The following GIN1 variants were observed in gnomAD, a reference collection of about 807,000 sequenced individuals.
GIN1 encodes the protein gypsy retrotransposon integrase-like protein 1.
GIN1 carries 41 observed loss-of-function variants against 51.4 expected under a neutral mutation model. The ratio of observed to expected loss-of-function variants is 0.80; its 90% CI spans 0.62 to 1.04. The LOEUF (loss-of-function observed/expected upper bound fraction) is 1.04. Ranked by LOEUF, GIN1 falls within the 50% of genes least tolerant of loss-of-function variation. GIN1 has a pLI of 0.00. For synonymous variants in GIN1, 222 were observed against 206.5 expected (o/e 1.07, Z -0.64); for missense variants, 610 against 612.4 (o/e 1.00, Z 0.04).
At chr5:103,106,465 T>C (rs782218341) in intron 3 of GIN1, 3 of 306,268 alleles carry the variant, frequency 9.8e-6, no homozygotes, top group Non-Finnish European at 1.2e-5. Context: ...AGTTCAATGA[T>C]ACAAATCTGA....
chr5:103,104,150 C>T lies in GIN1; in HGVS notation c.639+391G>A, dbSNP rs541468409. On this transcript the variant is annotated intron_variant, in intron 4 of 7. Coordinates refer to ENST00000399004, the MANE Select transcript of GIN1 (RefSeq NM_017676.2). The stretch of plus-strand genomic sequence containing the variant: ...TGTATTTTTTGTAGAGATGGAGTTT[C>T]GCCCTATTGCCCAGGTGGTCTCGAA... Among the ~76,000 whole-genome samples, 111 of 152,166 alleles carry T rather than the reference C, an allele frequency of 7.3e-4. 1 individual carries two copies. In the South Asian group the frequency reaches 9.4e-3, roughly 13 times the overall value.
At chr5:103,118,618 A>AGAT (rs1788156703) in intron 1 of GIN1, among the ~76,000 whole-genome samples, 2 of 152,214 alleles carry the variant, frequency 1.3e-5, no homozygotes, top group South Asian at 4.1e-4. Flanking sequence ...GTAGAGAGAC[A>AGAT]GATGACAAGG....
Position 103,108,583 on chromosome 5 carries a change from T to A in GIN1, c.125A>T (p.Lys42Ile). The stretch of plus-strand genomic sequence containing the variant: ...ATTAATTTTACCTTTGAAGACAAAT[T>A]TTTTTGCTGCTCTTCTTATGCCACT... ...ERSGIRRAAK[K>I]FVFKEKKLFY... The change falls in exon 2 of 8, where the codon AAA (lysine) becomes ATA (isoleucine). Residue 42 changes from lysine (K) to isoleucine (I), a missense_variant. Transcript: ENST00000399004. 6.2e-7 allele frequency: 1 copy of A among 1,602,248 alleles called. No homozygotes were observed. Among genetic ancestry groups the A allele is most frequent in the Non-Finnish European group, 8.5e-7 (1 of 1,172,568 alleles).
chr5:103,118,382 A>G (rs1554197658), intron 1 of GIN1, among the ~76,000 whole-genome samples: 1 of 152,166 alleles, frequency 6.6e-6, no homozygotes, highest in African/African-American at 2.4e-5. Flanking sequence ...ATTATCATCC[A>G]TATCAGGCTG....
At chr5:103,090,853 T>C (rs1328358143) in intron 7 of GIN1, among the ~76,000 whole-genome samples, 1 of 151,968 alleles carries the variant, frequency 6.6e-6, no homozygotes, top group African/African-American at 2.4e-5. Context: ...CCAACCTCAC[T>C]TGATTTTAAG....
chr5:103,112,537 C>T (rs1052255326), intron 1 of GIN1, among the ~76,000 whole-genome samples: 1 of 152,190 alleles, frequency 6.6e-6, no homozygotes, highest in African/African-American at 2.4e-5. Flanking sequence ...TCTCTCACTA[C>T]TTTCCTTTCT....
chr5:103,106,977 T>C (rs782634670), intron 2 of GIN1, 68 bp from the exon 3 acceptor site: 49 of 778,048 alleles, frequency 6.3e-5, no homozygotes, highest in Non-Finnish European at 8.8e-5. Flanking sequence ...AAGAGAATCA[T>C]AGCCTTCTCT....
chr5:103,088,874 G>A (rs373758592), intron 7 of GIN1, among the ~76,000 whole-genome samples: 7 of 152,048 alleles, frequency 4.6e-5, no homozygotes, highest in Admixed American at 6.5e-5. Flanking sequence ...AATTAATAGG[G>A]TCATATAATT....
At chr5:103,097,525 A>G (rs1412124519) in intron 5 of GIN1, 35 bp from the exon 6 acceptor site, 3 of 1,486,414 alleles carry the variant, frequency 2.0e-6, no homozygotes, top group Non-Finnish European at 1.9e-6. Context: ...ATTTTGTAAT[A>G]AAACATTTAT....
intron 1 of GIN1, among the ~76,000 whole-genome samples, chr5:103,114,887 C>T (rs1220384074): frequency 1.3e-5 from 2 of 152,082 alleles, no homozygotes; most frequent in Non-Finnish European, 2.9e-5. Context: ...TAGAAGTACA[C>T]AGAGAGGCTA....
chr5:103,109,408 T>C (rs1402615981), intron 1 of GIN1, among the ~76,000 whole-genome samples: 1 of 152,090 alleles, frequency 6.6e-6, no homozygotes, highest in African/African-American at 2.4e-5. Context: ...CTAAGAGTAT[T>C]TACTGGAAAG....
intron 3 of GIN1, among the ~76,000 whole-genome samples, chr5:103,105,204 A>G (rs1787691111): frequency 1.3e-5 from 2 of 152,026 alleles, no homozygotes; most frequent in African/African-American, 4.8e-5. Flanking sequence ...TGTATATGTG[A>G]GTTTCACAGG....
At position 103,106,835 on chromosome 5, in the gene GIN1, T is replaced by C. The variant is rs1554196338; in HGVS notation, c.214A>G (p.Lys72Glu). The C allele has an allele frequency of 1.2e-6, 2 of 1,603,908 alleles. No individual in the cohort carries two copies. The highest frequency in any genetic ancestry group is 1.7e-6 in the Non-Finnish European group (2 of 1,174,162). Residue 72 changes from lysine to glutamate, a missense_variant, in exon 3 of 8, where the codon AAA (lysine) becomes GAA (glutamate). Transcript: ENST00000399004. The stretch of plus-strand genomic sequence containing the variant: ...TTTTCATGGCATTCTCTTAAGACTT[T>C]CTTTTTTTCCTCTTCTGAAACAATT... ...LVIVSEEEKK[K>E]VLRECHENDS... is the part of the protein sequence containing the mutation.
chr5:103,102,140 T>G (rs1562330698), intron 4 of GIN1: 1 of 152,224 alleles, frequency 6.6e-6, no homozygotes, highest in African/African-American at 2.4e-5. Flanking sequence ...AATATATTTT[T>G]TTCTGTTTCT....
At chr5:103,112,808 G>T (rs112248609) in intron 1 of GIN1, among the ~76,000 whole-genome samples, 5 of 152,026 alleles carry the variant, frequency 3.3e-5, no homozygotes, top group African/African-American at 1.2e-4. Context: ...CCTTGAATTT[G>T]CTCATTCAGT....
At position 103,088,050 on chromosome 5, in the gene GIN1, C is replaced by T. The variant is rs782602777; in HGVS notation, c.1417G>A (p.Asp473Asn). Residue 473 changes from aspartate to asparagine, a missense_variant, in exon 8 of 8, where the codon GAT becomes AAT. By Grantham distance (23) the Asp-to-Asn change is conservative. Transcript: ENST00000399004. The part of the protein sequence containing the change: ...LVEDATIGIV[D>N]NELLTSSKDR... ...TTGCTTGATGTCAGTAATTCATTAT[C>T]GACTATACCAATAGTTGCATCTTCC... 26 of 1,610,108 alleles carry T rather than the reference C, an allele frequency of 1.6e-5. No individual in the cohort carries two copies. Among genetic ancestry groups the T allele is most frequent in the South Asian group, 1.3e-4 (12 of 90,984 alleles).
Sources: allele counts gnomAD v4.1 joint callset (sites outside exome capture counted in the v4.1 genomes callset), GRCh38; gene constraint gnomAD v4.1.1; transcripts MANE v1.5; gene names NCBI Gene and HGNC (gene_info 2026-07-23, HGNC 2026-07-21).